The following GAPDHS variants were observed in gnomAD, a reference collection of about 807,000 sequenced individuals.
The protein encoded by GAPDHS is glyceraldehyde-3-phosphate dehydrogenase, spermatogenic.
Under a neutral mutation model 48.7 loss-of-function variants are expected in GAPDHS, and 42 were observed. The ratio of observed to expected loss-of-function variants is 0.86; its 90% confidence interval spans 0.67 to 1.12. The LOEUF is 1.12. GAPDHS is among the 50% of genes most tolerant of loss of function. The pLI, the probability that GAPDHS is intolerant of heterozygous loss-of-function variation, is 0.00. For synonymous variants in GAPDHS, 166 were observed against 219.1 expected, an observed-to-expected ratio of 0.76 and a Z score of 2.14; for missense variants, 512 against 557.7, an observed-to-expected ratio of 0.92 and a Z score of 0.82.
intron 9 of GAPDHS, chr19:35,544,324 G>A (rs1423784491): frequency 6.0e-6 from 1 of 165,610 alleles, no homozygotes; most frequent in African/African-American, 2.4e-5. Flanking sequence ...TGTGAGGAGT[G>A]GATGCCATGG....
Position 35,542,554 on chromosome 19 carries a change from T to C in GAPDHS, c.605T>C (p.Phe202Ser). The change falls in exon 6 of 11, where the codon TTC (phenylalanine) becomes TCC (serine). Residue 202 changes from phenylalanine to serine, a missense_variant. Coordinates refer to ENST00000222286, the MANE Select transcript of GAPDHS (RefSeq NM_014364.5). The stretch of plus-strand genomic sequence containing the variant: ...GCGCCCTCACCGGATGCACCAATGT[T>C]CGTCATGGGTGTCAATGAAAATGAC... ...ISAPSPDAPM[F>S]VMGVNENDYN... The C allele has an allele frequency of 1.2e-6, 2 of 1,613,958 alleles. No homozygotes were observed. The highest frequency in any genetic ancestry group is 1.7e-6 in the Non-Finnish European group (2 of 1,179,856).
At chr19:35,533,960 T>C (rs554684251) in intron 1 of GAPDHS, among the ~76,000 whole-genome samples, 2 of 152,262 alleles carry the variant, frequency 1.3e-5, no homozygotes, top group Admixed American at 1.3e-4. Flanking sequence ...AAAAGTGATG[T>C]TCATGGCGCT....
intron 2 of GAPDHS, among the ~76,000 whole-genome samples, chr19:35,537,718 G>GA (rs903418248): frequency 7.2e-5 from 11 of 151,962 alleles, no homozygotes; most frequent in Non-Finnish European, 1.0e-4. Context: ...TGTCTCTACA[G>GA]AAAAAAATTG....
At chr19:35,533,643 G>T in intron 1 of GAPDHS, 49 bp downstream of exon 1, 10 of 1,426,396 alleles carry the variant, frequency 7.0e-6, no homozygotes, top group Non-Finnish European at 9.7e-6. Context: ...AGGGTAGTGG[G>T]GAGCGTCTGC....
chr19:35,545,131 G>A lies in GAPDHS; in HGVS notation c.1188G>A (p.Val396=). ...ACGAATATGGCTACAGTCACCGGGT[G>A]GTCGACCTCCTCCGCTACATGTTCA... ...YDNEYGYSHR[V]VDLLRYMFSR... The change falls in exon 11 of 11, where the codon GTG becomes GTA. Residue 396 remains valine, a synonymous_variant. Transcript: ENST00000222286. 6.2e-7 allele frequency: 1 copy of A among 1,614,080 alleles called. No homozygotes were observed. Among genetic ancestry groups the A allele is most frequent in the South Asian group, 1.1e-5 (1 of 91,082 alleles).
At chr19:35,542,159 G>A in intron 4 of GAPDHS, 160 bp from the exon 5 acceptor site, 1 of 620,928 alleles carries the variant, frequency 1.6e-6, no homozygotes, top group South Asian at 1.9e-5. Context: ...TAGGCCAGCG[G>A]GGTGGAGCCC....
chr19:35,537,506 C>A (rs2071473550), intron 2 of GAPDHS, among the ~76,000 whole-genome samples: 1 of 152,198 alleles, frequency 6.6e-6, no homozygotes. Flanking sequence ...GAGGGGGCTG[C>A]TACACCACAG....
chr19:35,544,786 T>C (rs1256911687), intron 9 of GAPDHS, 123 bp from the exon 10 acceptor site: 1 of 712,154 alleles, frequency 1.4e-6, no homozygotes, highest in Non-Finnish European at 2.6e-6. Context: ...CTGGACACAG[T>C]AGGGCTACAT....
chr19:35,545,215 C>T lies in GAPDHS; in HGVS notation c.*45C>T. On this transcript the variant is annotated 3_prime_UTR_variant, in exon 11 of 11. Coordinates refer to ENST00000222286, the MANE Select transcript of GAPDHS (RefSeq NM_014364.5). Reference sequence around the variant, plus strand: ...TCCTTCCCAGGGGCCGGGGCCGGAACATGTGCCTCCCGTTCCAGCATCTGG... The same window carrying T: ...TCCTTCCCAGGGGCCGGGGCCGGAATATGTGCCTCCCGTTCCAGCATCTGG... 2.0e-6 allele frequency: 3 copies of T among 1,508,454 alleles called. No homozygotes were observed. Among genetic ancestry groups the T allele is most frequent in the Non-Finnish European group, 2.8e-6 (3 of 1,083,894 alleles). 93.4% of individuals were successfully genotyped at this position (1,508,454 alleles called of 1,614,324 possible).
intron 4 of GAPDHS, chr19:35,541,018 G>GCC (rs2071498526): frequency 6.6e-6 from 1 of 152,194 alleles, no homozygotes; most frequent in Non-Finnish European, 1.5e-5. Flanking sequence ...GGTAGCGCAT[G>GCC]CCTGTAACCC....
intron 6 of GAPDHS, 102 bp from the exon 7 acceptor site, chr19:35,542,843 T>C: frequency 1.1e-6 from 1 of 897,348 alleles, no homozygotes; most frequent in Non-Finnish European, 1.9e-6. Context: ...ATCCTGACGT[T>C]TCATAAAACC....
At chr19:35,534,186 C>A (rs1324384888) in intron 1 of GAPDHS, among the ~76,000 whole-genome samples, 1 of 114,148 alleles carries the variant, frequency 8.8e-6, no homozygotes, top group East Asian at 4.9e-4. Context: ...GGCGCGCCCG[C>A]GCGCGCGCAC....
At chr19:35,533,838 C>T (rs552311585) in intron 1 of GAPDHS, among the ~76,000 whole-genome samples, 20 of 152,300 alleles carry the variant, frequency 1.3e-4, no homozygotes, top group East Asian at 1.2e-3. Context: ...CGCTATCACG[C>T]GGTAGAAAGA....
At position 35,545,192 on chromosome 19, in the gene GAPDHS, C is replaced by T; in HGVS notation, c.*22C>T. ...GTGAAACGGGAAGGTCCTTTCTTTC[C>T]TTCCCAGGGGCCGGGGCCGGAACAT... On this transcript the variant is annotated 3_prime_UTR_variant, in exon 11 of 11. Transcript: ENST00000222286. 2 of 1,599,278 alleles carry T rather than the reference C, an allele frequency of 1.3e-6. No homozygotes were observed. The highest frequency in any genetic ancestry group is 1.3e-5 in the African/African-American group (1 of 74,780).
chr19:35,537,557 A>G (rs1220104379), intron 2 of GAPDHS, among the ~76,000 whole-genome samples: 1 of 152,116 alleles, frequency 6.6e-6, no homozygotes, highest in East Asian at 1.9e-4. Flanking sequence ...ACAGTCGTGG[A>G]TGTTTTCATG....
chr19:35,538,433 A>C, intron 3 of GAPDHS, 30 bp downstream of exon 3: 2 of 620,726 alleles, frequency 3.2e-6, no homozygotes, highest in South Asian at 1.4e-5. Context: ...CAGGAACAGC[A>C]GGGTGGGACT....
intron 4 of GAPDHS, among the ~76,000 whole-genome samples, chr19:35,539,353 G>A (rs903814521): frequency 2.6e-5 from 4 of 152,154 alleles, no homozygotes; most frequent in African/African-American, 9.7e-5. Flanking sequence ...AGGCTTGTGC[G>A]AACATCCGAA....
At chr19:35,537,830 T>C (rs1211906170) in intron 2 of GAPDHS, among the ~76,000 whole-genome samples, 4 of 152,220 alleles carry the variant, frequency 2.6e-5, no homozygotes, top group Non-Finnish European at 5.9e-5. Context: ...ATCCCAGCAC[T>C]TTGGGAGGCC....
intron 1 of GAPDHS, among the ~76,000 whole-genome samples, chr19:35,533,870 G>A (rs1444403465): frequency 6.6e-6 from 1 of 152,370 alleles, no homozygotes. Flanking sequence ...GGCCATCGGA[G>A]GCTGCAGCCT....
Sources: gnomAD v4.1 joint callset for allele counts (sites outside exome capture counted in the v4.1 genomes callset) on GRCh38, gnomAD v4.1.1 for gene constraint, MANE v1.5 for transcripts, NCBI Gene and HGNC (gene_info 2026-07-23, HGNC 2026-07-21) for gene names.